Variants in RBFOX1 observed in about 807,000 individuals in gnomAD.
The protein encoded by RBFOX1 is RNA binding protein fox-1 homolog 1.
In RBFOX1, 8 loss-of-function variants were observed where a neutral mutation model predicts 57.7. The observed-to-expected ratio is 0.14, with a 90% CI of 0.08 to 0.25. The LOEUF (loss-of-function observed/expected upper bound fraction) is 0.25, where lower values mean the gene tolerates loss of function less well. Among genes scored for constraint, RBFOX1 ranks in the 10% least tolerant of loss-of-function variants. The pLI, the probability that RBFOX1 is intolerant of heterozygous loss-of-function variation, is 1.00. For missense variants in RBFOX1, 611 were observed against 548.5 expected (o/e 1.11, Z -1.14); for synonymous variants, 326 against 222.4 (o/e 1.47, Z -4.15).
chr16:7,492,641 G>C (rs1377074306), intron 4 of RBFOX1, among the ~76,000 whole-genome samples: 1 of 152,188 alleles, frequency 6.6e-6, no homozygotes, highest in Non-Finnish European at 1.5e-5. Context: ...GGGCCTGGTG[G>C]GAGGTGATTG....
chr16:5,817,775 G>C (rs905397649), intron 3 of RBFOX1, among the ~76,000 whole-genome samples: 1 of 150,858 alleles, frequency 6.6e-6, no homozygotes, highest in African/African-American at 2.4e-5. Context: ...GCTCACTGCA[G>C]CTCCGACTCC....
At chr16:7,065,449 G>A (rs1280889011) in intron 4 of RBFOX1, among the ~76,000 whole-genome samples, 1 of 152,072 alleles carries the variant, frequency 6.6e-6, no homozygotes, top group Non-Finnish European at 1.5e-5. Context: ...GGTTTTGCAT[G>A]GGTTTTTCTG....
chr16:6,800,598 A>AT (rs2085180505), intron 3 of RBFOX1, among the ~76,000 whole-genome samples: 2 of 152,278 alleles, frequency 1.3e-5, no homozygotes, highest in Admixed American at 6.5e-5. Context: ...CGGATGGTTA[A>AT]AGAGCAAATT....
intron 3 of RBFOX1, among the ~76,000 whole-genome samples, chr16:5,722,706 T>G (rs572949073): frequency 6.6e-6 from 1 of 152,326 alleles, no homozygotes; most frequent in East Asian, 1.9e-4. Flanking sequence ...CCCAGCTCTT[T>G]CCCAGCTTCA....
chr16:6,443,359 T>G (rs2094424600), intron 2 of RBFOX1, among the ~76,000 whole-genome samples: 1 of 151,946 alleles, frequency 6.6e-6, no homozygotes. Context: ...TGCCCCTTGT[T>G]TTATAAAAAT....
chr16:7,664,326 C>A (rs1249011656), intron 12 of RBFOX1, among the ~76,000 whole-genome samples: 3 of 152,150 alleles, frequency 2.0e-5, no homozygotes, highest in Admixed American at 2.0e-4. Context: ...CATGCTCACC[C>A]ACATACTATT....
At chr16:5,855,861 G>A (rs1419255881) in intron 3 of RBFOX1, among the ~76,000 whole-genome samples, 1 of 150,434 alleles carries the variant, frequency 6.6e-6, no homozygotes, top group African/African-American at 2.4e-5. Flanking sequence ...AATATCGGAT[G>A]TCTTTGCATT....
chr16:7,163,725 C>T (rs1381160277), intron 4 of RBFOX1, among the ~76,000 whole-genome samples: 4 of 152,062 alleles, frequency 2.6e-5, no homozygotes, highest in African/African-American at 9.7e-5. Context: ...GGTGCAATCT[C>T]ATCTCACTGC....
Position 7,166,972 on chromosome 16 carries a change from C to CTTTTTTTTTTTTTTTTTTTTTTTTTTT in RBFOX1, c.27+114883_27+114909dup, listed in dbSNP as rs537293692. 2.0e-4 allele frequency among the ~76,000 whole-genome samples: 10 copies of CTTTTTTTTTTTTTTTTTTTTTTTTTTT among 49,114 alleles called. 1 individual carries two copies. The highest frequency in any genetic ancestry group is 4.0e-4 in the African/African-American group (4 of 9,926). 32.2% of individuals were successfully genotyped at this position (49,114 alleles called of 152,430 possible). On this transcript the variant is annotated intron_variant, in intron 4 of 15. Coordinates refer to ENST00000550418, the MANE Select transcript of RBFOX1 (RefSeq NM_018723.4). The stretch of plus-strand genomic sequence containing the variant: ...AGCCCCAGATTGCTGCATTGGTGTT[C>CTTTTTTTTTTTTTTTTTTTTTTTTTTT]TTTTTTTTTTTTTTTTTTTTTTTTT...
At chr16:6,845,570 T>G (rs548640637) in intron 3 of RBFOX1, among the ~76,000 whole-genome samples, 1 of 152,308 alleles carries the variant, frequency 6.6e-6, no homozygotes, top group Non-Finnish European at 1.5e-5. Flanking sequence ...CCATGCTGTT[T>G]TGGTTATTGT....
At chr16:7,203,417 C>A (rs1040014119) in intron 4 of RBFOX1, among the ~76,000 whole-genome samples, 2 of 152,126 alleles carry the variant, frequency 1.3e-5, no homozygotes, top group African/African-American at 4.8e-5. Flanking sequence ...AATGGGTACA[C>A]AGTTTCAGTA....
At chr16:7,074,037 G>C (rs1489023212) in intron 4 of RBFOX1, among the ~76,000 whole-genome samples, 35 of 152,060 alleles carry the variant, frequency 2.3e-4, no homozygotes, top group Admixed American at 2.1e-3. Context: ...GGCTTCTTTT[G>C]TTTTGTAACA....
chr16:6,598,327 T>C (rs117029908), intron 2 of RBFOX1, among the ~76,000 whole-genome samples: 2,029 of 152,320 alleles, frequency 0.013, 29 homozygotes, highest in South Asian at 0.029. Context: ...TGCATGTTAT[T>C]TTATATTATG....
intron 4 of RBFOX1, among the ~76,000 whole-genome samples, chr16:7,320,380 C>T (rs2096525278): frequency 6.6e-6 from 1 of 152,148 alleles, no homozygotes; most frequent in Non-Finnish European, 1.5e-5. Flanking sequence ...CTTCCAGCTC[C>T]ATCCATGTCC....
At chr16:6,894,561 G>T (rs2066298369) in intron 3 of RBFOX1, among the ~76,000 whole-genome samples, 1 of 148,376 alleles carries the variant, frequency 6.7e-6, no homozygotes, top group South Asian at 2.1e-4. Flanking sequence ...CCCAAAACAA[G>T]AAGTATTTCT....
intron 3 of RBFOX1, among the ~76,000 whole-genome samples, chr16:6,894,025 G>A (rs1274044937): frequency 6.6e-6 from 1 of 152,130 alleles, no homozygotes; most frequent in South Asian, 2.1e-4. Flanking sequence ...CCCAAAGACA[G>A]CTCTTTATAT....
intron 1 of RBFOX1, among the ~76,000 whole-genome samples, chr16:6,066,801 C>G (rs1567372291): frequency 6.6e-6 from 1 of 152,142 alleles, no homozygotes; most frequent in African/African-American, 2.4e-5. Flanking sequence ...TTCTCAGAGT[C>G]TCTCTGCTCA....
chr16:5,420,391 T>TACACACAC (rs59939324), intron 1 of RBFOX1, among the ~76,000 whole-genome samples: 1 of 151,038 alleles, frequency 6.6e-6, no homozygotes, highest in Non-Finnish European at 1.5e-5. Flanking sequence ...CACCCCCATA[T>TACACACAC]ACACACACAC....
intron 4 of RBFOX1, among the ~76,000 whole-genome samples, chr16:7,188,147 G>A (rs2084388118): frequency 6.6e-6 from 1 of 152,164 alleles, no homozygotes; most frequent in African/African-American, 2.4e-5. Flanking sequence ...TCAGCAAGAG[G>A]TGTATTATCT....
Sources: allele counts gnomAD v4.1 joint callset (sites outside exome capture counted in the v4.1 genomes callset), GRCh38; gene constraint gnomAD v4.1.1; transcripts MANE v1.5; gene names NCBI Gene and HGNC (gene_info 2026-07-23, HGNC 2026-07-21).